KCNK10: variants seen among roughly 807,000 people sequenced by gnomAD.
KCNK10 encodes potassium channel subfamily K member 10.
A neutral mutation model predicts 47.7 loss-of-function variants in KCNK10; 25 were observed. The observed-to-expected ratio is 0.52, with a 90% confidence interval of 0.38 to 0.73. The LOEUF (loss-of-function observed/expected upper bound fraction) is 0.73. KCNK10 is among the 30% of genes least tolerant of loss of function. The probability of loss-of-function intolerance (pLI) is 0.00; values close to 1 mark genes in which losing one functional copy is unlikely to be tolerated. For synonymous variants in KCNK10, 303 were observed against 285.6 expected, an observed-to-expected ratio of 1.06 and a Z score of -0.61; for missense variants, 563 against 714.5, an observed-to-expected ratio of 0.79 and a Z score of 2.42.
At chr14:88,207,091 C>T (rs529009157) in intron 4 of KCNK10, among the ~76,000 whole-genome samples, 1 of 151,684 alleles carries the variant, frequency 6.6e-6, no homozygotes, top group East Asian at 1.9e-4. Flanking sequence ...AATAATTGTA[C>T]TTCAAAGCCT....
chr14:88,185,913 C>T lies in KCNK10; in HGVS notation c.1254G>A (p.Gln418=), dbSNP rs371789630. 4.3e-6 allele frequency: 7 copies of T among 1,613,928 alleles called. No individual in the cohort carries two copies. The African/African-American group carries it at 9.3e-5, about 22-fold the overall frequency. The change falls in exon 7 of 7, where the codon CAG becomes CAA. Residue 418 remains glutamine (Q), a synonymous_variant. Coordinates refer to ENST00000319231, the MANE Select transcript of KCNK10 (RefSeq NM_138317.3). The surrounding 1 kb of genome is among the most constrained non-coding windows in gnomAD (Gnocchi z 4.3). ...TGTTGGGCCGGTTGTTGATGCTCTCCTGGGATGAGGCCTTGAAGCGGCCGG... is the reference window on the plus strand; with the variant it reads ...TGTTGGGCCGGTTGTTGATGCTCTCTTGGGATGAGGCCTTGAAGCGGCCGG... ...LDTGRFKASS[Q]ESINNRPNNL... is the part of the protein sequence containing the mutation.
intron 1 of KCNK10, among the ~76,000 whole-genome samples, chr14:88,279,384 T>C (rs1887597386): frequency 6.6e-6 from 1 of 150,586 alleles, no homozygotes; most frequent in Admixed American, 6.6e-5. Context: ...TGTGTGTGTG[T>C]GTGTGTGTGT....
rs1410509375 is a variant in KCNK10, at chr14:88,263,197, C to T, written c.402+5G>A. 3 of 1,609,818 alleles carry T rather than the reference C, an allele frequency of 1.9e-6. No homozygotes were observed. The highest frequency in any genetic ancestry group is 4.5e-5 in the East Asian group (2 of 44,828). On this transcript the variant is annotated splice_donor_5th_base_variant and intron_variant, in intron 2 of 6. Coordinates refer to ENST00000319231, the MANE Select transcript of KCNK10 (RefSeq NM_138317.3). ...TGGCCTAAGATGGACTCACTCCCTG[C>T]TCACCTGGATCAACGTCTCCAGCTC... is the stretch of plus-strand genomic sequence containing the variant.
intron 2 of KCNK10, among the ~76,000 whole-genome samples, chr14:88,257,678 G>A (rs1319211882): frequency 3.3e-5 from 5 of 152,154 alleles, no homozygotes; most frequent in East Asian, 1.9e-4. Context: ...TCATTTCCTC[G>A]CCTGTATGTG....
At chr14:88,281,433 C>G (rs1281067123) in intron 1 of KCNK10, among the ~76,000 whole-genome samples, 1 of 152,122 alleles carries the variant, frequency 6.6e-6, no homozygotes, top group Non-Finnish European at 1.5e-5. Context: ...CAGATTTCTC[C>G]CACGACATAG....
chr14:88,326,568 G>A, upstream of KCNK10: 1 of 796,702 alleles, frequency 1.3e-6, no homozygotes, highest in Non-Finnish European at 2.1e-6. Flanking sequence ...TAGCGTTCCT[G>A]CGGCAGGAAA....
intron 4 of KCNK10, among the ~76,000 whole-genome samples, chr14:88,195,349 A>T (rs1884877485): frequency 6.6e-6 from 1 of 152,238 alleles, no homozygotes; most frequent in South Asian, 2.1e-4. Flanking sequence ...AAGATTAAAC[A>T]AGTGTGCAAA....
intron 1 of KCNK10, among the ~76,000 whole-genome samples, 189 bp from the exon 2 acceptor site, chr14:88,263,740 T>C (rs1414097243): frequency 1.3e-5 from 2 of 150,856 alleles, no homozygotes; most frequent in Non-Finnish European, 3.0e-5. Flanking sequence ...TTCTAAAAAA[T>C]AAGCACCAGG....
intron 2 of KCNK10, among the ~76,000 whole-genome samples, chr14:88,251,947 A>G (rs1243989561): frequency 6.6e-6 from 1 of 152,190 alleles, no homozygotes; most frequent in Non-Finnish European, 1.5e-5. Flanking sequence ...TGGGTGTCCC[A>G]TAGCTCTAGC....
intron 1 of KCNK10, among the ~76,000 whole-genome samples, chr14:88,317,598 T>C (rs1016048655): frequency 6.6e-6 from 1 of 152,370 alleles, no homozygotes; most frequent in African/African-American, 2.4e-5. Context: ...TGAAGGAAAC[T>C]GTCATGGACG....
intron 1 of KCNK10, among the ~76,000 whole-genome samples, chr14:88,293,532 T>C (rs1566716835): frequency 3.9e-5 from 6 of 152,054 alleles, no homozygotes. Context: ...GTGGATTCCA[T>C]CTCCAAACTA....
intron 4 of KCNK10, among the ~76,000 whole-genome samples, chr14:88,222,647 G>A (rs930249072): frequency 1.3e-5 from 2 of 152,122 alleles, no homozygotes; most frequent in African/African-American, 2.4e-5. Context: ...TGTGTGTAGG[G>A]GCAAGGGGAT....
At chr14:88,240,616 G>A (rs1179089816) in intron 3 of KCNK10, 87 bp downstream of exon 3, 1 of 832,346 alleles carries the variant, frequency 1.2e-6, no homozygotes, top group Admixed American at 1.8e-5. Flanking sequence ...TCAAACTATA[G>A]TGTATGCTAT....
At chr14:88,221,961 C>G (rs944747689) in intron 4 of KCNK10, among the ~76,000 whole-genome samples, 1 of 152,168 alleles carries the variant, frequency 6.6e-6, no homozygotes, top group Non-Finnish European at 1.5e-5. Flanking sequence ...AGGCTACATA[C>G]AGTATGATTG....
chr14:88,318,493 TG>T (rs1888474226), intron 1 of KCNK10, among the ~76,000 whole-genome samples: 1 of 152,202 alleles, frequency 6.6e-6, no homozygotes, highest in Non-Finnish European at 1.5e-5. Context: ...ATGATGGTGC[TG>T]GGGAACAGGA....
At chr14:88,254,902 T>C (rs1195195092) in intron 2 of KCNK10, among the ~76,000 whole-genome samples, 1 of 152,184 alleles carries the variant, frequency 6.6e-6, no homozygotes, top group Non-Finnish European at 1.5e-5. Context: ...GAGAAGGAAA[T>C]AGCATTTCCT....
At chr14:88,299,098 T>G (rs1888044702) in intron 1 of KCNK10, among the ~76,000 whole-genome samples, 2 of 152,352 alleles carry the variant, frequency 1.3e-5, no homozygotes, top group African/African-American at 4.8e-5. Context: ...GCATCTCTCT[T>G]ACAGTCCTTA....
chr14:88,326,546 A>G (rs942054539), upstream of KCNK10: 2 of 937,866 alleles, frequency 2.1e-6, no homozygotes, highest in Non-Finnish European at 3.4e-6. Flanking sequence ...AGTCTGGTGG[A>G]AAGAGACTGC....
Position 88,186,155 on chromosome 14 carries a change from C to G in KCNK10, c.1012G>C (p.Val338Leu), listed in dbSNP as rs770335762. ...RVLSKKTKEE[V>L]GEIKAHAAEW... ...GCCGCATGGGCCTTGATTTCACCCA[C>G]CTGGCCAAGAGACAGAAGAGCAACA... Residue 338 changes from valine (V) to leucine (L), a missense_variant and splice_region_variant, in exon 7 of 7, where the codon GTG becomes CTG. By Grantham distance (32) the Val-to-Leu change is conservative (BLOSUM62 1). Transcript: ENST00000319231. This position sits in a 1 kb window ranked among gnomAD's most constrained non-coding sequence, Gnocchi z 5.5. 1 of 1,576,896 alleles carries G rather than the reference C, an allele frequency of 6.3e-7. No individual in the cohort carries two copies. Among genetic ancestry groups the G allele is most frequent in the South Asian group, 1.2e-5 (1 of 85,264 alleles).
Sources: allele counts gnomAD v4.1 joint callset (sites outside exome capture counted in the v4.1 genomes callset), GRCh38; gene constraint gnomAD v4.1.1; non-coding constraint Gnocchi (gnomAD v3.1); transcripts MANE v1.5; gene names NCBI Gene and HGNC (gene_info 2026-07-23, HGNC 2026-07-21).